Variants in STARD9 observed in about 807,000 individuals in gnomAD.
The protein encoded by STARD9 is StAR related lipid transfer domain containing 9.
A neutral mutation model predicts 399.8 loss-of-function variants in STARD9; 346 were observed. The observed-to-expected ratio is 0.87, with a 90% CI of 0.79 to 0.95. The LOEUF is 0.95. Among genes scored for constraint, STARD9 ranks in the 40% least tolerant of loss-of-function variants. STARD9 has a pLI of 0.00. For synonymous variants in STARD9, 2,203 were observed against 2,143.5 expected (o/e 1.03, Z -0.77); for missense variants, 5,832 against 5,667.5 (o/e 1.03, Z -0.93).
chr15:42,719,594 T>C lies in STARD9; in HGVS notation c.*20T>C. On this transcript the variant is annotated 3_prime_UTR_variant, in exon 33 of 33. Coordinates refer to ENST00000290607, the MANE Select transcript of STARD9 (RefSeq NM_020759.3). ...AGGTAGCATCTCACCGTCAAGATGG[T>C]GCTGCTGAGATGCAGGCCCAGGCTG... 6.8e-7 allele frequency: 1 copy of C among 1,465,208 alleles called. No homozygotes were observed. The highest frequency in any genetic ancestry group is 9.2e-7 in the Non-Finnish European group (1 of 1,081,360). The allele number at this position is 1,465,208 out of a possible 1,614,324, so 90.8% of individuals were successfully genotyped here.
At chr15:42,593,480 C>T (rs1346283762) in intron 3 of STARD9, among the ~76,000 whole-genome samples, 4 of 151,972 alleles carry the variant, frequency 2.6e-5, no homozygotes, top group African/African-American at 9.7e-5. Flanking sequence ...AAGAATTGCT[C>T]CTATTCTTCT....
intron 3 of STARD9, among the ~76,000 whole-genome samples, chr15:42,622,650 T>C (rs753592515): frequency 6.6e-6 from 1 of 152,182 alleles, no homozygotes; most frequent in Non-Finnish European, 1.5e-5. Flanking sequence ...TATCTGTTGT[T>C]CCTGAGGTGG....
At chr15:42,705,325 C>T (rs894395737) in intron 26 of STARD9, among the ~76,000 whole-genome samples, 3 of 152,110 alleles carry the variant, frequency 2.0e-5, no homozygotes, top group African/African-American at 4.8e-5. Flanking sequence ...CTAGCTCTAG[C>T]GAAGATATTT....
At chr15:42,633,145 T>TAA (rs758886456) in intron 3 of STARD9, among the ~76,000 whole-genome samples, 2 of 139,776 alleles carry the variant, frequency 1.4e-5, no homozygotes, top group Non-Finnish European at 1.6e-5. Flanking sequence ...CTGTCTCAAT[T>TAA]AAAAAAAAAA....
At chr15:42,708,537 G>T (rs947523790) in intron 26 of STARD9, among the ~76,000 whole-genome samples, 5 of 152,170 alleles carry the variant, frequency 3.3e-5, no homozygotes, top group African/African-American at 7.2e-5. Flanking sequence ...CTCTCCTGGA[G>T]CCCCTTTTGA....
chr15:42,659,683 G>A (rs898887812), intron 9 of STARD9, among the ~76,000 whole-genome samples: 3 of 152,060 alleles, frequency 2.0e-5, no homozygotes, highest in African/African-American at 4.8e-5. Flanking sequence ...CCGCCACCAC[G>A]CTTGGCTAAT....
chr15:42,576,030 G>A (rs180867936), intron 1 of STARD9, among the ~76,000 whole-genome samples: 3 of 152,328 alleles, frequency 2.0e-5, no homozygotes, highest in African/African-American at 7.2e-5. Flanking sequence ...AGTTTCGAGG[G>A]ACGGCGGCTC....
chr15:42,699,387 C>CTTTTTTT (rs2060910674), intron 26 of STARD9, among the ~76,000 whole-genome samples: 2 of 128,086 alleles, frequency 1.6e-5, no homozygotes, highest in Non-Finnish European at 3.1e-5. Context: ...CAACTTTTTT[C>CTTTTTTT]TTTTCTTTTT....
chr15:42,598,838 C>A (rs189827539), intron 3 of STARD9, among the ~76,000 whole-genome samples: 1 of 152,190 alleles, frequency 6.6e-6, no homozygotes, highest in African/African-American at 2.4e-5. Context: ...ATTGAACACT[C>A]ATTCTTTCTC....
rs1159219705 is a variant in STARD9, at chr15:42,652,587, A to G, written c.697A>G (p.Thr233Ala). The stretch of plus-strand genomic sequence containing the variant: ...CCACGCCATTTTCACGATCCACTAC[A>G]CGCAGGTTGGTAACTCCTTATGTTT... ...RSHAIFTIHY[T>A]QAILENNLPS... Residue 233 changes from threonine to alanine, a missense_variant, in exon 9 of 33, where the codon ACG (threonine) becomes GCG (alanine). By Grantham distance (58) the Thr-to-Ala change is moderately conservative. Transcript: ENST00000290607. 2.6e-6 allele frequency: 4 copies of G among 1,537,326 alleles called. No individual in the cohort carries two copies. The highest frequency in any genetic ancestry group is 3.5e-6 in the Non-Finnish European group (4 of 1,146,862).
At chr15:42,637,872 T>A (rs2059448234) in intron 4 of STARD9, 35 bp from the exon 5 acceptor site, 1 of 1,535,350 alleles carries the variant, frequency 6.5e-7, no homozygotes, top group South Asian at 1.2e-5. Flanking sequence ...TCATCTTAAG[T>A]AAACAATAAT....
At chr15:42,706,042 C>T (rs1023377794) in intron 26 of STARD9, among the ~76,000 whole-genome samples, 6 of 152,132 alleles carry the variant, frequency 3.9e-5, no homozygotes, top group Admixed American at 1.3e-4. Flanking sequence ...CGTGAGCCAC[C>T]GCACCCGTCC....
chr15:42,682,303 T>A lies in STARD9; in HGVS notation c.2265T>A (p.Thr755=), dbSNP rs1241141384. 5.2e-6 allele frequency: 8 copies of A among 1,537,242 alleles called. No homozygotes were observed. Among genetic ancestry groups the A allele is most frequent in the Non-Finnish European group, 7.0e-6 (8 of 1,146,904 alleles). The change falls in exon 22 of 33, where the codon ACT becomes ACA. Residue 755 remains threonine (T), a synonymous_variant. Coordinates refer to ENST00000290607, the MANE Select transcript of STARD9 (RefSeq NM_020759.3). ...ACCTGCAGCTCCTGCGGAGACACAC[T>A]CTTCGGGCAGCAGAGCGGAATGTCC... The part of the protein sequence containing the change: ...VVHLQLLRRH[T]LRAAERNVRR...
At chr15:42,674,533 A>G (rs1478408449) in intron 17 of STARD9, 42 bp downstream of exon 17, 2 of 1,515,432 alleles carry the variant, frequency 1.3e-6, no homozygotes, top group Non-Finnish European at 1.8e-6. Flanking sequence ...TGGGGCTAGT[A>G]TTTGTGCCCG....
chr15:42,670,354 C>T (rs2060180437), intron 16 of STARD9: 2 of 152,270 alleles, frequency 1.3e-5, no homozygotes, highest in African/African-American at 4.8e-5. Flanking sequence ...AGCTTCCAAA[C>T]AGCACCTGGC....
intron 3 of STARD9, among the ~76,000 whole-genome samples, chr15:42,620,047 AG>A (rs2059056306): frequency 6.6e-6 from 1 of 152,130 alleles, no homozygotes; most frequent in Non-Finnish European, 1.5e-5. Context: ...TTCTCCTTCC[AG>A]GTGACCATCT....
rs1412566415 is a variant in STARD9, at chr15:42,694,628, C to T, written c.12865C>T (p.Leu4289=). 3.3e-6 allele frequency: 5 copies of T among 1,537,204 alleles called. No individual in the cohort carries two copies. Among genetic ancestry groups the T allele is most frequent in the Non-Finnish European group, 4.4e-6 (5 of 1,146,884 alleles). Residue 4289 remains leucine (L), a synonymous_variant, in exon 24 of 33, where the codon CTG becomes TTG. Transcript: ENST00000290607. ...TAGCCCTCAGAAACAACTGAGCCTC[C>T]TGCCCAACAAAGATCTCTTCATCTG... ...SLSPQKQLSL[L]PNKDLFIWDL... is the part of the protein sequence containing the mutation.
chr15:42,714,695 C>T (rs1224139294), intron 26 of STARD9, among the ~76,000 whole-genome samples: 1 of 152,180 alleles, frequency 6.6e-6, no homozygotes, highest in African/African-American at 2.4e-5. Context: ...TTCTCCCGCC[C>T]AGCCTCCCAG....
chr15:42,636,431 A>G (rs1233921801), intron 4 of STARD9, among the ~76,000 whole-genome samples: 1 of 152,042 alleles, frequency 6.6e-6, no homozygotes, highest in Admixed American at 6.6e-5. Flanking sequence ...AAATACAAAA[A>G]TTAGCCAGAC....
Sources: gnomAD v4.1 joint callset for allele counts (sites outside exome capture counted in the v4.1 genomes callset) on GRCh38, gnomAD v4.1.1 for gene constraint, MANE v1.5 for transcripts, NCBI Gene and HGNC (gene_info 2026-07-23, HGNC 2026-07-21) for gene names.